Variants in TMEM163 observed in about 807,000 individuals in gnomAD.
The protein encoded by TMEM163 is transmembrane protein 163.
TMEM163 carries 17 observed loss-of-function variants against 29.3 expected under a neutral mutation model. That is an observed-to-expected ratio of 0.58 (90% CI 0.40 to 0.87). The LOEUF (loss-of-function observed/expected upper bound fraction) is 0.87. TMEM163 is among the 40% of genes least tolerant of loss of function. The pLI is 0.00. For synonymous variants in TMEM163, 157 were observed against 160.6 expected (o/e 0.98, Z 0.17); for missense variants, 303 against 381.5 (o/e 0.79, Z 1.71).
chr2:134,468,198 G>A (rs538930510), intron 5 of TMEM163: 44 of 152,396 alleles, frequency 2.9e-4, no homozygotes, highest in African/African-American at 1.1e-3. Context: ...GTATGAGGAG[G>A]TGGGGCCTCT....
chr2:134,590,746 G>A (rs1681918004), intron 2 of TMEM163, among the ~76,000 whole-genome samples: 1 of 152,046 alleles, frequency 6.6e-6, no homozygotes. Flanking sequence ...GACCATATAG[G>A]GTAACTCCTG....
At chr2:134,647,407 C>G (rs60200589) in intron 2 of TMEM163, among the ~76,000 whole-genome samples, 1,841 of 152,238 alleles carry the variant, frequency 0.012, 48 homozygotes, top group African/African-American at 0.04. Flanking sequence ...AAGCAAATGG[C>G]CTTGGAATGT....
intron 2 of TMEM163, among the ~76,000 whole-genome samples, chr2:134,554,769 T>G (rs1323415063): frequency 6.6e-6 from 1 of 152,216 alleles, no homozygotes. Flanking sequence ...CTCAAAATTA[T>G]GCAGGAACGA....
intron 2 of TMEM163, among the ~76,000 whole-genome samples, chr2:134,557,258 A>AG (rs1681067061): frequency 6.6e-6 from 1 of 152,256 alleles, no homozygotes; most frequent in Non-Finnish European, 1.5e-5. Flanking sequence ...ATTGAAAACA[A>AG]CCAGAAAAAA....
At chr2:134,524,384 T>C (rs1680249353) in intron 4 of TMEM163, among the ~76,000 whole-genome samples, 2 of 150,986 alleles carry the variant, frequency 1.3e-5, no homozygotes, top group Admixed American at 1.3e-4. Flanking sequence ...TTTTTAAAAT[T>C]TTAAGTTCTG....
At chr2:134,612,865 T>G (rs1012714979) in intron 2 of TMEM163, among the ~76,000 whole-genome samples, 1 of 152,080 alleles carries the variant, frequency 6.6e-6, no homozygotes, top group Admixed American at 6.6e-5. Context: ...GTATGACATG[T>G]GAAGAAATAA....
intron 2 of TMEM163, among the ~76,000 whole-genome samples, chr2:134,667,722 T>C (rs1683899047): frequency 6.6e-6 from 1 of 152,234 alleles, no homozygotes; most frequent in Non-Finnish European, 1.5e-5. Context: ...AGGATAACAC[T>C]GTATGGATTT....
chr2:134,511,649 G>A (rs796818883), intron 4 of TMEM163, among the ~76,000 whole-genome samples: 8 of 152,338 alleles, frequency 5.3e-5, no homozygotes, highest in African/African-American at 1.9e-4. Context: ...AAGGCAGACT[G>A]GCCGGAATTC....
chr2:134,485,592 C>T (rs938793463), intron 5 of TMEM163, among the ~76,000 whole-genome samples: 6 of 152,126 alleles, frequency 3.9e-5, no homozygotes, highest in Admixed American at 6.5e-5. Flanking sequence ...CTTCTTCCTC[C>T]GGGAAACCTC....
chr2:134,557,530 T>C (rs1395431227), intron 2 of TMEM163, among the ~76,000 whole-genome samples: 2 of 152,156 alleles, frequency 1.3e-5, no homozygotes, highest in African/African-American at 4.8e-5. Flanking sequence ...AAGATATATA[T>C]TCGTTCTGTT....
At chr2:134,518,092 T>C (rs1263244805) in intron 4 of TMEM163, among the ~76,000 whole-genome samples, 1 of 152,100 alleles carries the variant, frequency 6.6e-6, no homozygotes. Flanking sequence ...AAGGAGAAAA[T>C]TTTAAAAGAA....
intron 2 of TMEM163, among the ~76,000 whole-genome samples, chr2:134,667,756 C>G (rs1326855686): frequency 6.6e-6 from 1 of 152,210 alleles, no homozygotes; most frequent in Non-Finnish European, 1.5e-5. Flanking sequence ...TATTAAAGAA[C>G]ACTCATTGAG....
At chr2:134,606,180 G>A (rs1429041520) in intron 2 of TMEM163, among the ~76,000 whole-genome samples, 2 of 152,018 alleles carry the variant, frequency 1.3e-5, no homozygotes, top group Non-Finnish European at 2.9e-5. Context: ...AGCACGTAAT[G>A]TCTTTCTCTG....
In TMEM163 at chr2:134,558,544, A is replaced by G. The variant is rs1263062146; in HGVS notation, c.323-6453T>C. On this transcript the variant is annotated intron_variant, in intron 2 of 7. Transcript: ENST00000281924. The stretch of plus-strand genomic sequence containing the variant: ...CTGGAAAATGGACAGGACCCAGGCA[A>G]CCCATTGTTAGGGCAAAGCTAAATC... Among the ~76,000 whole-genome samples the G allele has an allele frequency of 7.2e-5, 11 of 152,316 alleles. No homozygotes were observed. In the East Asian group the frequency reaches 2.1e-3, roughly 29 times the overall value.
At chr2:134,621,455 C>T (rs1210964074) in intron 2 of TMEM163, among the ~76,000 whole-genome samples, 1 of 152,104 alleles carries the variant, frequency 6.6e-6, no homozygotes, top group East Asian at 1.9e-4. Context: ...ACCCTTTAAC[C>T]CAGAAATTCC....
intron 2 of TMEM163, among the ~76,000 whole-genome samples, chr2:134,678,236 C>T (rs190281900): frequency 1.0e-3 from 157 of 152,310 alleles, no homozygotes; most frequent in African/African-American, 3.2e-3. Context: ...GCAGGAACTC[C>T]GAGGCTTTAC....
At chr2:134,622,659 T>C (rs549122163) in intron 2 of TMEM163, among the ~76,000 whole-genome samples, 1 of 152,266 alleles carries the variant, frequency 6.6e-6, no homozygotes, top group South Asian at 2.1e-4. Context: ...TTAAGTCAAG[T>C]TGTTTTCTCA....
chr2:134,497,579 G>A (rs1679599777), intron 5 of TMEM163, among the ~76,000 whole-genome samples: 2 of 152,132 alleles, frequency 1.3e-5, no homozygotes, highest in Non-Finnish European at 2.9e-5. Context: ...CTTAAATTTA[G>A]AAACAATATC....
chr2:134,544,605 C>A (rs577198411), intron 4 of TMEM163, among the ~76,000 whole-genome samples: 1 of 152,090 alleles, frequency 6.6e-6, no homozygotes, highest in Non-Finnish European at 1.5e-5. Flanking sequence ...ACCAGCCTGG[C>A]CAACATGGTG....
Sources: allele counts gnomAD v4.1 joint callset (sites outside exome capture counted in the v4.1 genomes callset), GRCh38; gene constraint gnomAD v4.1.1; transcripts MANE v1.5; gene names NCBI Gene and HGNC (gene_info 2026-07-23, HGNC 2026-07-21).